Variants in SETD1A observed in about 807,000 individuals in gnomAD.
SETD1A encodes SET domain containing 1A, histone lysine methyltransferase.
Under a neutral mutation model 149.9 loss-of-function variants are expected in SETD1A, and 29 were observed. The ratio of observed to expected loss-of-function variants is 0.19; its 90% confidence interval spans 0.14 to 0.26. The LOEUF (loss-of-function observed/expected upper bound fraction) is 0.26. SETD1A is among the 10% of genes least tolerant of loss of function. The pLI is 1.00. For synonymous variants in SETD1A, 1,141 were observed against 968.5 expected, an observed-to-expected ratio of 1.18 and a Z score of -3.31; for missense variants, 2,109 against 2,353.1, an observed-to-expected ratio of 0.90 and a Z score of 2.15.
intron 3 of SETD1A, among the ~76,000 whole-genome samples, chr16:30,960,509 A>G (rs1006492237): frequency 3.3e-5 from 5 of 152,182 alleles, no homozygotes; most frequent in African/African-American, 9.7e-5. Flanking sequence ...CCTGGGCTCC[A>G]GAACACCATG....
rs574616934 is a variant in SETD1A, at chr16:30,983,211, G to T, written c.4813-424G>T. On this transcript the variant is annotated intron_variant, in intron 17 of 18. Transcript: ENST00000262519. This position sits in a 1 kb window ranked among gnomAD's most constrained non-coding sequence, Gnocchi z 6.8. ...GGGCGGCCTGCCATTTGCATTAGCCGGTGGCAGCCAACAGGTGCCTGTTTT... is the reference window on the plus strand; with the variant it reads ...GGGCGGCCTGCCATTTGCATTAGCCTGTGGCAGCCAACAGGTGCCTGTTTT... 2.0e-5 allele frequency among the ~76,000 whole-genome samples: 3 copies of T among 152,186 alleles called. No homozygotes were observed. The highest frequency in any genetic ancestry group is 4.8e-5 in the African/African-American group (2 of 41,448).
rs1313395335 is a variant in SETD1A, at chr16:30,980,403, C to T, written c.4409-82C>T. ...CCCCTGTCCCTCACCTGGGTATGCT[C>T]AGCGGCGTGGGCCCCGCCCTCTCCT... is the stretch of plus-strand genomic sequence containing the variant. On this transcript the variant is annotated intron_variant, in intron 14 of 18. Coordinates refer to ENST00000262519, the MANE Select transcript of SETD1A (RefSeq NM_014712.3). The surrounding 1 kb of genome is among the most constrained non-coding windows in gnomAD (Gnocchi z 7.7). 11 of 1,522,708 alleles carry T rather than the reference C, an allele frequency of 7.2e-6. No individual in the cohort carries two copies. The highest frequency in any genetic ancestry group is 1.4e-5 in the African/African-American group (1 of 72,508). The allele number at this position is 1,522,708 out of a possible 1,614,324, so 94.3% of individuals were successfully genotyped here.
chr16:30,965,531 A>G (rs1212918129), intron 7 of SETD1A, 70 bp downstream of exon 7: 78 of 1,590,022 alleles, frequency 4.9e-5, no homozygotes, highest in Non-Finnish European at 5.8e-5. Context: ...GGGAGAGGGA[A>G]GGGAACCAGA....
rs1396724106 is a variant in SETD1A at position 30,966,223 on chromosome 16, A to G, written c.2342A>G (p.Glu781Gly). The G allele has an allele frequency of 6.2e-7, 1 of 1,613,438 alleles. No homozygotes were observed. The highest frequency in any genetic ancestry group is 1.3e-5 in the African/African-American group (1 of 74,930). ...CCCAGGGAAGAAGCAGAGCTGGCAG[A>G]GGGCAAGACCCTCCCGACAGCAGGC... is the stretch of plus-strand genomic sequence containing the variant. ...LPPREEAELA[E>G]GKTLPTAGTV... is the part of the protein sequence containing the mutation. Residue 781 changes from glutamate (E) to glycine (G), a missense_variant, in exon 8 of 19, where the codon GAG becomes GGG. Transcript: ENST00000262519.
intron 10 of SETD1A, among the ~76,000 whole-genome samples, chr16:30,967,871 G>A (rs946311309): frequency 6.6e-6 from 1 of 152,140 alleles, no homozygotes; most frequent in Non-Finnish European, 1.5e-5. Context: ...AGTTAAACGA[G>A]GCATCTCCCC....
In SETD1A at chr16:30,984,196, C is replaced by T; in HGVS notation, c.*173C>T. 1 of 596,014 alleles carries T rather than the reference C, an allele frequency of 1.7e-6. No homozygotes were observed. 36.9% of individuals were successfully genotyped at this position (596,014 alleles called of 1,614,324 possible). Reference sequence around the variant, plus strand: ...CCTCAGTCCCTGGAGGCAGCTTCTGCCTCTCCTGTCACCCCTGCCCACCAC... The same window carrying T: ...CCTCAGTCCCTGGAGGCAGCTTCTGTCTCTCCTGTCACCCCTGCCCACCAC... On this transcript the variant is annotated 3_prime_UTR_variant, in exon 19 of 19. Transcript: ENST00000262519.
chr16:30,971,450 C>T lies in SETD1A; in HGVS notation c.3089C>T (p.Thr1030Ile). Residue 1030 changes from threonine (T) to isoleucine (I), a missense_variant, in exon 13 of 19, where the codon ACA (threonine) becomes ATA (isoleucine). Physicochemically the swap from Thr to Ile is moderately conservative, Grantham distance 89 (BLOSUM62 -1). Around this residue, in one of 8 missense-constraint regions of SETD1A, gnomAD observed 832 missense variants for 815.6 expected, o/e 1.02. Transcript: ENST00000262519. ...GACTCAGATGGCGAAAATGACAGCA[C>T]ATCAGACTCCGAGAGCAGCAGCTCT... ...YADSDGENDS[T>I]SDSESSSSSS... The T allele has an allele frequency of 1.2e-6, 2 of 1,613,898 alleles. No homozygotes were observed. The highest frequency in any genetic ancestry group is 1.7e-6 in the Non-Finnish European group (2 of 1,179,836).
In SETD1A at chr16:30,980,431, G is replaced by T; in HGVS notation, c.4409-54G>T. The T allele has an allele frequency of 1.9e-6, 3 of 1,569,904 alleles. No individual in the cohort carries two copies. Among genetic ancestry groups the T allele is most frequent in the Non-Finnish European group, 2.6e-6 (3 of 1,155,474 alleles). Reference sequence around the variant, plus strand: ...CGGCGTGGGCCCCGCCCTCTCCTTTGGCTGGGACGCAGGTGGCCAGAGAGG... The same window carrying T: ...CGGCGTGGGCCCCGCCCTCTCCTTTTGCTGGGACGCAGGTGGCCAGAGAGG... On this transcript the variant is annotated intron_variant, in intron 14 of 18. Coordinates refer to ENST00000262519, the MANE Select transcript of SETD1A (RefSeq NM_014712.3). The surrounding 1 kb of genome is among the most constrained non-coding windows in gnomAD (Gnocchi z 7.7).
In SETD1A at chr16:30,980,734, C is replaced by T; in HGVS notation, c.4582-5C>T. ...CTCACCTCCTCCCTGCCGTGTGTCT[C>T]ACAGGGGACGAACCGCGTGCTGTCC... On this transcript the variant is annotated splice_region_variant and splice_polypyrimidine_tract_variant and intron_variant, in intron 15 of 18. Transcript: ENST00000262519. This position sits in a 1 kb window ranked among gnomAD's most constrained non-coding sequence, Gnocchi z 7.7. The T allele has an allele frequency of 6.2e-7, 1 of 1,612,276 alleles. No individual in the cohort carries two copies. The highest frequency in any genetic ancestry group is 8.5e-7 in the Non-Finnish European group (1 of 1,179,618).
At chr16:30,965,567 A>G in intron 7 of SETD1A, 34 bp from the exon 8 acceptor site, 1 of 1,606,016 alleles carries the variant, frequency 6.2e-7, no homozygotes. Context: ...TGGGTCAGGC[A>G]GAAGCCTTCT....
In SETD1A at chr16:30,980,018, C is replaced by G. The variant is rs142782803; in HGVS notation, c.4232C>G (p.Pro1411Arg). The change falls in exon 14 of 19, where the codon CCG becomes CGG. Residue 1411 changes from proline to arginine, a missense_variant. Pro to Arg is a moderately radical substitution (Grantham distance 103). This residue lies in a region of SETD1A where 832 missense variants were observed against 815.6 expected (regional missense o/e 1.02). Transcript: ENST00000262519. The surrounding 1 kb of genome is among the most constrained non-coding windows in gnomAD (Gnocchi z 7.7). ...CCTCCGCCCCCACCCCCGCCGCCACCGCCCCGCGCCTACGAGCCACGCAGT... is the reference window on the plus strand; with the variant it reads ...CCTCCGCCCCCACCCCCGCCGCCACGGCCCCGCGCCTACGAGCCACGCAGT... ...RRPPPPPPPP[P>R]PRAYEPRSEF... The G allele has an allele frequency of 1.3e-6, 2 of 1,538,544 alleles. No homozygotes were observed. Among genetic ancestry groups the G allele is most frequent in the Non-Finnish European group, 1.7e-6 (2 of 1,147,734 alleles).
intron 8 of SETD1A, 104 bp downstream of exon 8, chr16:30,966,490 G>C: frequency 6.9e-7 from 1 of 1,452,698 alleles, no homozygotes; most frequent in Non-Finnish European, 9.1e-7. Flanking sequence ...TGATGGAGGC[G>C]AGTGGAGAGA....
intron 13 of SETD1A, among the ~76,000 whole-genome samples, chr16:30,977,389 C>T (rs1007010652): frequency 2.6e-5 from 4 of 152,300 alleles, no homozygotes; most frequent in African/African-American, 7.2e-5. Flanking sequence ...TGGACCTGAG[C>T]GTGGCAGTAG....
intron 12 of SETD1A, 116 bp downstream of exon 12, chr16:30,969,805 T>C: frequency 1.3e-6 from 1 of 797,636 alleles, no homozygotes; most frequent in Non-Finnish European, 2.2e-6. Flanking sequence ...ACCTTTGCCT[T>C]CTGCAAGGGC....
rs770747269 is a variant in SETD1A, at chr16:30,983,643, C to T, written c.4821C>T (p.Ala1607=). Residue 1607 remains alanine, a synonymous_variant, in exon 18 of 19, where the codon GCC becomes GCT. Transcript: ENST00000262519. This position sits in a 1 kb window ranked among gnomAD's most constrained non-coding sequence, Gnocchi z 6.8. ...GCATCTCACCCTGGCAGATGGTGGC[C>T]GACATGCGGGAGAAGCGCTACGTGC... ...YVGQNIRQMV[A]DMREKRYVQE... 1.2e-5 allele frequency: 19 copies of T among 1,612,448 alleles called. No homozygotes were observed. The highest frequency in any genetic ancestry group is 3.3e-5 in the Admixed American group (2 of 59,838).
At chr16:30,963,315 C>G in intron 4 of SETD1A, 118 bp from the exon 5 acceptor site, 1 of 997,188 alleles carries the variant, frequency 1.0e-6, no homozygotes, top group East Asian at 3.0e-5. Context: ...AACTGAAATC[C>G]TGAAACCCAG....
chr16:30,981,150 C>T lies in SETD1A; in HGVS notation c.4782C>T (p.Val1594=), dbSNP rs2056372166. The T allele has an allele frequency of 1.9e-6, 3 of 1,614,068 alleles. No individual in the cohort carries two copies. The highest frequency in any genetic ancestry group is 2.2e-5 in the South Asian group (2 of 91,084). ...AACCCATTGCTGCTGACGAGATGGT[C>T]ATCGAATACGTGGGTCAGAACATCC... The part of the protein sequence containing the change: ...AMEPIAADEM[V]IEYVGQNIRQ... Residue 1594 remains valine, a synonymous_variant, in exon 17 of 19, where the codon GTC becomes GTT. Coordinates refer to ENST00000262519, the MANE Select transcript of SETD1A (RefSeq NM_014712.3).
In SETD1A at chr16:30,983,694, G is replaced by C. The variant is rs1184892272; in HGVS notation, c.4872G>C (p.Leu1624=). Residue 1624 remains leucine, a synonymous_variant, in exon 18 of 19, where the codon CTG becomes CTC. Transcript: ENST00000262519. This position sits in a 1 kb window ranked among gnomAD's most constrained non-coding sequence, Gnocchi z 6.8. The part of the protein sequence containing the change: ...YVQEGIGSSY[L]FRVDHDTIID... ...AGGAGGGCATTGGCAGCAGCTACCT[G>C]TTCCGGGTGGACCACGACACCATCA... The C allele has an allele frequency of 1.2e-6, 2 of 1,613,994 alleles. No individual in the cohort carries two copies. The highest frequency in any genetic ancestry group is 2.7e-5 in the African/African-American group (2 of 74,944).
At position 30,979,815 on chromosome 16, in the gene SETD1A, G is replaced by T; in HGVS notation, c.4029G>T (p.Val1343=). ...DEVLEAPEVV[V]AEAEEPKPQQ... ...TCCTGGAGGCCCCCGAGGTGGTGGT[G>T]GCTGAGGCGGAGGAGCCCAAGCCGC... Residue 1343 remains valine (V), a synonymous_variant, in exon 14 of 19, where the codon GTG becomes GTT. Transcript: ENST00000262519. 6.4e-7 allele frequency: 1 copy of T among 1,563,436 alleles called. No homozygotes were observed. Among genetic ancestry groups the T allele is most frequent in the Non-Finnish European group, 8.6e-7 (1 of 1,161,728 alleles).
Sources: allele counts gnomAD v4.1 joint callset (sites outside exome capture counted in the v4.1 genomes callset), GRCh38; gene constraint gnomAD v4.1.1; regional missense constraint gnomAD v4.1.1; non-coding constraint Gnocchi (gnomAD v3.1); transcripts MANE v1.5; gene names NCBI Gene and HGNC (gene_info 2026-07-23, HGNC 2026-07-21).